NOS1: variants seen among roughly 807,000 people sequenced by gnomAD.
NOS1 encodes nitric oxide synthase 1, also known as NOS type I.
A neutral mutation model predicts 164.5 loss-of-function variants in NOS1; 51 were observed. That is an observed-to-expected ratio of 0.31 (90% confidence interval 0.25 to 0.39). The LOEUF is 0.39. NOS1 is among the 10% of genes least tolerant of loss of function. The pLI, the probability that NOS1 is intolerant of heterozygous loss-of-function variation, is 1.00. For missense variants in NOS1, 1,362 were observed against 1,885.6 expected (o/e 0.72, Z 5.14); for synonymous variants, 719 against 745.8 (o/e 0.96, Z 0.59).
chr12:117,240,109 C>A (rs1259701855), intron 20 of NOS1, among the ~76,000 whole-genome samples: 1 of 152,104 alleles, frequency 6.6e-6, no homozygotes, highest in Non-Finnish European at 1.5e-5. Flanking sequence ...AAGAAATTTC[C>A]AGTAGATTAT....
intron 16 of NOS1, 44 bp from the exon 17 acceptor site, chr12:117,253,798 C>A: frequency 3.0e-6 from 4 of 1,339,728 alleles, no homozygotes; most frequent in Non-Finnish European, 4.3e-6. Flanking sequence ...CCTGGAGCTC[C>A]CTCCTGAGGT....
At chr12:117,244,340 C>G (rs1870449431) in intron 18 of NOS1, among the ~76,000 whole-genome samples, 1 of 152,188 alleles carries the variant, frequency 6.6e-6, no homozygotes, top group Non-Finnish European at 1.5e-5. Context: ...ACCTCCTCCC[C>G]AGGTTCAAGT....
intron 2 of NOS1, among the ~76,000 whole-genome samples, chr12:117,329,285 G>T (rs946856218): frequency 6.6e-6 from 1 of 152,172 alleles, no homozygotes; most frequent in Admixed American, 6.5e-5. Flanking sequence ...ATGAACATTT[G>T]TTAAATGAGT....
chr12:117,320,402 A>G (rs1874860035), intron 2 of NOS1, among the ~76,000 whole-genome samples: 2 of 152,070 alleles, frequency 1.3e-5, no homozygotes, highest in Non-Finnish European at 2.9e-5. Context: ...GGAGGAAGGG[A>G]CCACAAGCTA....
chr12:117,227,633 C>T lies in NOS1; in HGVS notation c.3414G>A (p.Gln1138=). ...QRLLVLSKGL[Q]EYEEWKWGKN... is the part of the protein sequence containing the mutation. ...TGCCCCATTTCCATTCCTCGTACTC[C>T]TGCAAACCCTGTGCCAAGGAGATGG... The change falls in exon 23 of 29, where the codon CAG becomes CAA. Residue 1138 remains glutamine (Q), a synonymous_variant. Transcript: ENST00000317775. 6.2e-7 allele frequency: 1 copy of T among 1,614,016 alleles called. No individual in the cohort carries two copies. Among genetic ancestry groups the T allele is most frequent in the African/African-American group, 1.3e-5 (1 of 75,038 alleles).
intron 2 of NOS1, among the ~76,000 whole-genome samples, chr12:117,327,711 C>T (rs1477169223): frequency 6.6e-6 from 1 of 152,194 alleles, no homozygotes; most frequent in East Asian, 1.9e-4. Context: ...CGGTCCAAGA[C>T]TTTTGGTCTT....
intron 2 of NOS1, among the ~76,000 whole-genome samples, chr12:117,316,495 C>A (rs889833098): frequency 6.6e-6 from 1 of 152,190 alleles, no homozygotes; most frequent in East Asian, 1.9e-4. Context: ...TCAGCCTTGA[C>A]GGCCCACTTC....
At chr12:117,251,823 C>T (rs1302804956) in intron 17 of NOS1, among the ~76,000 whole-genome samples, 2 of 152,006 alleles carry the variant, frequency 1.3e-5, no homozygotes, top group East Asian at 1.9e-4. Flanking sequence ...CCTCTGCCTC[C>T]CAGGCTCAAG....
intron 26 of NOS1, among the ~76,000 whole-genome samples, chr12:117,221,450 A>ACTTAAAT (rs1956704041): frequency 6.6e-6 from 1 of 150,988 alleles, no homozygotes; most frequent in Non-Finnish European, 1.5e-5. Flanking sequence ...CGCCCAGCTA[A>ACTTAAAT]TTTTTATATT....
At chr12:117,302,101 A>C (rs965793774) in intron 3 of NOS1, 10 of 456,524 alleles carry the variant, frequency 2.2e-5, no homozygotes, top group African/African-American at 2.0e-4. Context: ...ACAGTATTTC[A>C]TTGGGTTGAG....
intron 2 of NOS1, among the ~76,000 whole-genome samples, chr12:117,321,225 G>C (rs143793651): frequency 0.012 from 1,895 of 152,252 alleles, 42 homozygotes; most frequent in African/African-American, 0.043. Flanking sequence ...GGCCAGGCTG[G>C]TCTCAAACTC....
intron 1 of NOS1, among the ~76,000 whole-genome samples, chr12:117,335,343 C>T (rs1183526624): frequency 2.6e-5 from 4 of 152,138 alleles, no homozygotes; most frequent in East Asian, 1.9e-4. Flanking sequence ...GCCCTGCCTC[C>T]GCCCTCAGGA....
chr12:117,239,995 T>C (rs560258051), intron 20 of NOS1, among the ~76,000 whole-genome samples: 66 of 152,296 alleles, frequency 4.3e-4, no homozygotes, highest in African/African-American at 1.6e-3. Context: ...TTTGGGACTT[T>C]TGGTTCCACT....
In NOS1 at chr12:117,242,725, A is replaced by G; in HGVS notation, c.2963-20T>C. ...ATAGACCTGTGGGGAGAAAAACAAC[A>G]GTCTTCCTGAGAAGGGGTTGAATGT... is the stretch of plus-strand genomic sequence containing the variant. On this transcript the variant is annotated intron_variant, in intron 19 of 28. Transcript: ENST00000317775. The G allele has an allele frequency of 6.2e-7, 1 of 1,609,644 alleles. No homozygotes were observed. The highest frequency in any genetic ancestry group is 1.1e-5 in the South Asian group (1 of 90,970).
chr12:117,336,190 C>T (rs1424737898), intron 1 of NOS1, among the ~76,000 whole-genome samples: 1 of 152,178 alleles, frequency 6.6e-6, no homozygotes, highest in East Asian at 1.9e-4. Context: ...GGATCTGGGT[C>T]ATATTTGATT....
chr12:117,337,106 C>CTTTTTTT (rs36054002), intron 1 of NOS1, among the ~76,000 whole-genome samples: 2 of 64,328 alleles, frequency 3.1e-5, no homozygotes, highest in African/African-American at 7.0e-5. Flanking sequence ...GCTTTTTACT[C>CTTTTTTT]TTTTTTTTTT....
intron 5 of NOS1, among the ~76,000 whole-genome samples, chr12:117,287,020 GC>G (rs1206272259): frequency 2.0e-5 from 3 of 152,190 alleles, no homozygotes; most frequent in Non-Finnish European, 1.5e-5. Flanking sequence ...TTTGAGACCA[GC>G]CTGGCCAACA....
intron 1 of NOS1, among the ~76,000 whole-genome samples, chr12:117,354,908 G>A (rs1458801315): frequency 6.6e-6 from 1 of 152,212 alleles, no homozygotes; most frequent in African/African-American, 2.4e-5. Flanking sequence ...GCTGGGAAAC[G>A]ACGGTTGTAC....
At chr12:117,266,808 G>C (rs1411971726) in intron 11 of NOS1, among the ~76,000 whole-genome samples, 1 of 152,144 alleles carries the variant, frequency 6.6e-6, no homozygotes, top group Non-Finnish European at 1.5e-5. Context: ...AAAGTGCTGG[G>C]ATTACAGGTG....
Sources: allele counts gnomAD v4.1 joint callset (sites outside exome capture counted in the v4.1 genomes callset), GRCh38; gene constraint gnomAD v4.1.1; transcripts MANE v1.5; gene names NCBI Gene and HGNC (gene_info 2026-07-23, HGNC 2026-07-21).